IGLON5: variants seen among roughly 807,000 people sequenced by gnomAD.
IGLON5 encodes the protein Ig-like domain-containing protein ENSP00000270642.
Under a neutral mutation model 38.2 loss-of-function variants are expected in IGLON5, and 16 were observed. That is an observed-to-expected ratio of 0.42 (90% CI 0.28 to 0.64). The LOEUF is 0.64. Ranked by LOEUF, IGLON5 falls within the 30% of genes least tolerant of loss-of-function variation. The probability of loss-of-function intolerance (pLI) is 0.23; values close to 1 mark genes in which losing one functional copy is unlikely to be tolerated. For synonymous variants in IGLON5, 207 were observed against 216.4 expected (o/e 0.96, Z 0.38); for missense variants, 366 against 483.4 (o/e 0.76, Z 2.28).
Position 51,315,822 on chromosome 19 carries a change from A to C in IGLON5, c.79+3896A>C, listed in dbSNP as rs978896067. ...ACCATTCTCCTGCCTCAGCCTCCCA[A>C]GTAGCTGGGACTACAGGCGCCCACC... On this transcript the variant is annotated intron_variant, in intron 1 of 7. Coordinates refer to ENST00000270642, the MANE Select transcript of IGLON5 (RefSeq NM_001101372.3). Among the ~76,000 whole-genome samples, 7 of 149,194 alleles carry C rather than the reference A, an allele frequency of 4.7e-5. No homozygotes were observed. The Admixed American group carries it at 4.7e-4, about 10-fold the overall frequency.
chr19:51,325,573 C>T lies in IGLON5; in HGVS notation c.511+108C>T. 1 of 1,227,258 alleles carries T rather than the reference C, an allele frequency of 8.1e-7. No homozygotes were observed. Among genetic ancestry groups the T allele is most frequent in the Non-Finnish European group, 1.1e-6 (1 of 905,284 alleles). 76.0% of individuals were successfully genotyped at this position (1,227,258 alleles called of 1,614,324 possible). A position where few individuals can be genotyped will look rare whatever the true frequency, so the allele number is the denominator to read the frequency against. ...TCCCCAGCCCCCTTCTCCCTGGCCC[C>T]TTGGCTTCCCCTCCCACTCTGCTTC... is the stretch of plus-strand genomic sequence containing the variant. On this transcript the variant is annotated intron_variant, in intron 4 of 7. Coordinates refer to ENST00000270642, the MANE Select transcript of IGLON5 (RefSeq NM_001101372.3). The surrounding 1 kb of genome is among the most constrained non-coding windows in gnomAD (Gnocchi z 5.5).
intron 4 of IGLON5, 65 bp from the exon 5 acceptor site, chr19:51,326,699 C>CCGTGTTAAGTGTTGCTGATGTGTGT: frequency 9.0e-7 from 1 of 1,116,500 alleles, no homozygotes; most frequent in Non-Finnish European, 1.2e-6. Flanking sequence ...CCGTGTTGTG[C>CCGTGTTAAGTGTTGCTGATGTGTGT]CCGTGTTGTC....
chr19:51,327,241 A>G lies in IGLON5; in HGVS notation c.767+41A>G. The G allele has an allele frequency of 6.3e-7, 1 of 1,586,720 alleles. No individual in the cohort carries two copies. ...AGGGGGCCGTGGGAGCGGGAAGGGGAGGTCTTTAGTCCCTTCGATTGTGAG... is the reference window on the plus strand; with the variant it reads ...AGGGGGCCGTGGGAGCGGGAAGGGGGGGTCTTTAGTCCCTTCGATTGTGAG... On this transcript the variant is annotated intron_variant, in intron 6 of 7. Coordinates refer to ENST00000270642, the MANE Select transcript of IGLON5 (RefSeq NM_001101372.3). This position sits in a 1 kb window ranked among gnomAD's most constrained non-coding sequence, Gnocchi z 7.1.
intron 1 of IGLON5, among the ~76,000 whole-genome samples, chr19:51,320,987 A>G (rs753310855): frequency 2.6e-5 from 4 of 152,000 alleles, no homozygotes; most frequent in Non-Finnish European, 5.9e-5. Context: ...TGTATACCGT[A>G]CCTATGAATA....
intron 1 of IGLON5, among the ~76,000 whole-genome samples, chr19:51,314,723 T>C (rs1268228914): frequency 6.6e-6 from 1 of 152,208 alleles, no homozygotes; most frequent in African/African-American, 2.4e-5. Context: ...AAAAAGCTTA[T>C]GGCAAGATAT....
At position 51,328,888 on chromosome 19, in the gene IGLON5, G is replaced by T; in HGVS notation, c.*129G>T. 1.7e-6 allele frequency: 1 copy of T among 584,694 alleles called. No individual in the cohort carries two copies. Among genetic ancestry groups the T allele is most frequent in the Non-Finnish European group, 3.0e-6 (1 of 336,910 alleles). 36.2% of individuals were successfully genotyped at this position (584,694 alleles called of 1,614,324 possible). On this transcript the variant is annotated 3_prime_UTR_variant, in exon 8 of 8. Transcript: ENST00000270642. ...TCGGCCACCAAGGAAGAAGAGAGAG[G>T]AGAAGAGGAGGAGGCAGAGGAAGAA...
rs2123533333 is a variant in IGLON5 at position 51,325,890 on chromosome 19, G to A, written c.511+425G>A. Reference sequence around the variant, plus strand: ...TAGCCCAGCGGGCCTCATGGTGTGGGCCCCAGACCCGAAGCATCAGCATAC... The same window carrying A: ...TAGCCCAGCGGGCCTCATGGTGTGGACCCCAGACCCGAAGCATCAGCATAC... On this transcript the variant is annotated intron_variant, in intron 4 of 7. Transcript: ENST00000270642. The surrounding 1 kb of genome is among the most constrained non-coding windows in gnomAD (Gnocchi z 5.5). 6.6e-6 allele frequency among the ~76,000 whole-genome samples: 1 copy of A among 152,162 alleles called. No individual in the cohort carries two copies. The highest frequency in any genetic ancestry group is 1.9e-4 in the East Asian group (1 of 5,160).
chr19:51,312,246 T>G, intron 1 of IGLON5, among the ~76,000 whole-genome samples: 1 of 150,288 alleles, frequency 6.7e-6, no homozygotes, highest in South Asian at 2.1e-4. Context: ...CTGCGGCTCC[T>G]GTTGAGGAGG....
At chr19:51,314,616 G>T (rs1348567587) in intron 1 of IGLON5, among the ~76,000 whole-genome samples, 1 of 152,130 alleles carries the variant, frequency 6.6e-6, no homozygotes, top group Non-Finnish European at 1.5e-5. Context: ...CCCCTTTTGA[G>T]AACTGGGGAC....
intron 2 of IGLON5, 135 bp downstream of exon 2, chr19:51,322,277 A>G: frequency 1.4e-6 from 1 of 709,446 alleles, no homozygotes; most frequent in Non-Finnish European, 2.5e-6. Flanking sequence ...CCCCCTCAGT[A>G]GCGACACAGC....
In IGLON5 at chr19:51,325,647, C is replaced by T. The variant is rs1042617626; in HGVS notation, c.511+182C>T. On this transcript the variant is annotated intron_variant, in intron 4 of 7. Coordinates refer to ENST00000270642, the MANE Select transcript of IGLON5 (RefSeq NM_001101372.3). The surrounding 1 kb of genome is among the most constrained non-coding windows in gnomAD (Gnocchi z 5.5). ...AAACCCCAGACCTAAGAGGCGTCAC[C>T]ACTGGCTTTCCACCTGCCGTCCTAG... Among the ~76,000 whole-genome samples the T allele has an allele frequency of 2.6e-5, 4 of 152,150 alleles. No homozygotes were observed. The highest frequency in any genetic ancestry group is 9.7e-5 in the African/African-American group (4 of 41,418).
At position 51,327,015 on chromosome 19, in the gene IGLON5, C is replaced by T; in HGVS notation, c.647-65C>T. On this transcript the variant is annotated intron_variant, in intron 5 of 7. Coordinates refer to ENST00000270642, the MANE Select transcript of IGLON5 (RefSeq NM_001101372.3). This position sits in a 1 kb window ranked among gnomAD's most constrained non-coding sequence, Gnocchi z 7.1. ...CTTACGGGCCTGAGGGAGGCGGGGGCTGGGGGCGGGACCCCTTCGTCCCCA... is the reference window on the plus strand; with the variant it reads ...CTTACGGGCCTGAGGGAGGCGGGGGTTGGGGGCGGGACCCCTTCGTCCCCA... The T allele has an allele frequency of 6.3e-7, 1 of 1,595,690 alleles. No homozygotes were observed. The highest frequency in any genetic ancestry group is 8.5e-7 in the Non-Finnish European group (1 of 1,172,878).
chr19:51,323,120 GC>G (rs976216961), intron 2 of IGLON5, among the ~76,000 whole-genome samples: 1 of 140,278 alleles, frequency 7.1e-6, no homozygotes, highest in African/African-American at 2.7e-5. Flanking sequence ...CTGGGTCTCT[GC>G]CCCCCTCTCT....
Position 51,327,703 on chromosome 19 carries a change from G to A in IGLON5, c.768-29G>A. ...GGGGCTGGCCTGGCTGGGCGCTGCG[G>A]CCCGGCCCCTGACCCGGATCCCTGG... is the stretch of plus-strand genomic sequence containing the variant. On this transcript the variant is annotated intron_variant, in intron 6 of 7. Transcript: ENST00000270642. The surrounding 1 kb of genome is among the most constrained non-coding windows in gnomAD (Gnocchi z 7.1). 1.9e-6 allele frequency: 3 copies of A among 1,549,520 alleles called. No individual in the cohort carries two copies. The highest frequency in any genetic ancestry group is 8.7e-7 in the Non-Finnish European group (1 of 1,153,060).
rs765466638 is a variant in IGLON5 at position 51,311,852 on chromosome 19, C to A, written c.5C>A (p.Pro2His). 4.4e-5 allele frequency: 57 copies of A among 1,300,052 alleles called. No homozygotes were observed. Among genetic ancestry groups the A allele is most frequent in the East Asian group, 3.7e-4 (11 of 30,122 alleles). The allele number at this position is 1,300,052 out of a possible 1,614,324, so 80.5% of individuals were successfully genotyped here. A position where few individuals can be genotyped will look rare whatever the true frequency, so the allele number is the denominator to read the frequency against. The change falls in exon 1 of 8, where the codon CCC (proline) becomes CAC (histidine). Residue 2 changes from proline (P) to histidine (H), a missense_variant. Coordinates refer to ENST00000270642, the MANE Select transcript of IGLON5 (RefSeq NM_001101372.3). M[P>H]PPAPGARLRL... ...CTCCGCGCCGCCTCTGCCGCGATGC[C>A]CCCCCCTGCGCCCGGGGCCCGGCTC...
In IGLON5 at chr19:51,326,907, C is replaced by T; in HGVS notation, c.646+9C>T. 5 of 1,570,040 alleles carry T rather than the reference C, an allele frequency of 3.2e-6. No homozygotes were observed. The highest frequency in any genetic ancestry group is 4.3e-6 in the Non-Finnish European group (5 of 1,157,746). Reference sequence around the variant, plus strand: ...GCTGGTCACAGTCAACTGTGAGCCCCCCTGGCACTGGGCACGAAAGGGTGG... The same window carrying T: ...GCTGGTCACAGTCAACTGTGAGCCCTCCTGGCACTGGGCACGAAAGGGTGG... On this transcript the variant is annotated intron_variant, in intron 5 of 7. Coordinates refer to ENST00000270642, the MANE Select transcript of IGLON5 (RefSeq NM_001101372.3).
intron 2 of IGLON5, among the ~76,000 whole-genome samples, chr19:51,323,370 G>A (rs1722361554): frequency 1.3e-5 from 2 of 151,946 alleles, no homozygotes; most frequent in Non-Finnish European, 2.9e-5. Flanking sequence ...CCTTCCTTCT[G>A]CATCTCTATT....
In IGLON5 at chr19:51,323,592, C is replaced by T. The variant is rs189991131; in HGVS notation, c.159-70C>T. 7.1e-4 allele frequency: 960 copies of T among 1,359,218 alleles called. 10 individuals carry two copies. In the African/African-American group the frequency reaches 0.012, roughly 17 times the overall value. 84.2% of individuals were successfully genotyped at this position (1,359,218 alleles called of 1,614,324 possible). A position where few individuals can be genotyped will look rare whatever the true frequency, so the allele number is the denominator to read the frequency against. ...GATGCGGTGGCCTCCTTCTCCCACC[C>T]ACCCCCTCGGTGGGGGAAGCCTCAG... On this transcript the variant is annotated intron_variant, in intron 2 of 7. Transcript: ENST00000270642.
Position 51,330,532 on chromosome 19 carries a change from A to G in IGLON5, c.*1773A>G, listed in dbSNP as rs1002245700. On this transcript the variant is annotated 3_prime_UTR_variant, in exon 8 of 8. Coordinates refer to ENST00000270642, the MANE Select transcript of IGLON5 (RefSeq NM_001101372.3). ...TGGCCGAAGACACCCAGCATAGCCC[A>G]TTTCCCACCGTGATTGGCTCAGAGA... is the stretch of plus-strand genomic sequence containing the variant. 6.6e-6 allele frequency among the ~76,000 whole-genome samples: 1 copy of G among 152,156 alleles called. No homozygotes were observed. Among genetic ancestry groups the G allele is most frequent in the African/African-American group, 2.4e-5 (1 of 41,432 alleles).
Sources: gnomAD v4.1 joint callset for allele counts (sites outside exome capture counted in the v4.1 genomes callset) on GRCh38, gnomAD v4.1.1 for gene constraint, Gnocchi (gnomAD v3.1) non-coding constraint, MANE v1.5 for transcripts, NCBI Gene and HGNC (gene_info 2026-07-23, HGNC 2026-07-21) for gene names.